The following CLMP variants were observed in gnomAD, a reference collection of about 807,000 sequenced individuals.
The protein encoded by CLMP is CXADR-like membrane protein.
CLMP carries 27 observed loss-of-function variants against 45.2 expected under a neutral mutation model. That is an observed-to-expected ratio of 0.60 (90% CI 0.44 to 0.82). CLMP has a LOEUF of 0.82. CLMP is among the 40% of genes least tolerant of loss of function. The pLI is 0.00. For missense variants in CLMP, 403 were observed against 448.4 expected (o/e 0.90, Z 0.91); for synonymous variants, 167 against 171.4 (o/e 0.97, Z 0.20).
rs1865716787 is a variant in CLMP at position 123,074,822 on chromosome 11, A to G, written c.701T>C (p.Val234Ala). Residue 234 changes from valine (V) to alanine (A), a missense_variant, in exon 6 of 7, where the codon GTT (valine) becomes GCT (alanine). Physicochemically the swap from Val to Ala is moderately conservative, Grantham distance 64. Coordinates refer to ENST00000448775, the MANE Select transcript of CLMP (RefSeq NM_024769.5). ...CACTATGCCTGTCACTGCTCCTGCA[A>G]CCATGCCGATGCTTTGTACATCTAT... ...TVQYVQSIGM[V>A]AGAVTGIVAG... 6.2e-7 allele frequency: 1 copy of G among 1,614,036 alleles called. No homozygotes were observed. Among genetic ancestry groups the G allele is most frequent in the Non-Finnish European group, 8.5e-7 (1 of 1,179,996 alleles).
intron 1 of CLMP, among the ~76,000 whole-genome samples, chr11:123,163,624 G>A (rs1861515571): frequency 6.6e-6 from 1 of 152,204 alleles, no homozygotes; most frequent in Non-Finnish European, 1.5e-5. Flanking sequence ...TCTGCATTTT[G>A]CCAGGAGCCT....
intron 1 of CLMP, among the ~76,000 whole-genome samples, chr11:123,152,308 G>A (rs1861346893): frequency 1.3e-5 from 2 of 152,062 alleles, no homozygotes; most frequent in Non-Finnish European, 2.9e-5. Context: ...TGGATCACGA[G>A]GTCAAGAGAC....
intron 1 of CLMP, among the ~76,000 whole-genome samples, chr11:123,161,339 T>C (rs995399001): frequency 6.6e-6 from 1 of 152,198 alleles, no homozygotes; most frequent in African/African-American, 2.4e-5. Context: ...ATGCTCAGCC[T>C]GCATGTGAGA....
At chr11:123,109,752 C>T (rs1222249079) in intron 1 of CLMP, among the ~76,000 whole-genome samples, 2 of 152,154 alleles carry the variant, frequency 1.3e-5, no homozygotes, top group African/African-American at 2.4e-5. Context: ...TTATTGACCA[C>T]CAGTATGATG....
At chr11:123,094,848 C>A (rs1172607957) in intron 2 of CLMP, among the ~76,000 whole-genome samples, 1 of 152,138 alleles carries the variant, frequency 6.6e-6, no homozygotes, top group Non-Finnish European at 1.5e-5. Flanking sequence ...GTCACCCAGG[C>A]TGGTCTCAAA....
At chr11:123,173,628 C>T (rs1168514831) in intron 1 of CLMP, among the ~76,000 whole-genome samples, 1 of 152,194 alleles carries the variant, frequency 6.6e-6, no homozygotes, top group East Asian at 1.9e-4. Context: ...ATTTCTTAAC[C>T]TCTAAGAGCC....
intron 1 of CLMP, among the ~76,000 whole-genome samples, chr11:123,193,678 AAGAC>A (rs1290653963): frequency 6.6e-6 from 1 of 152,186 alleles, no homozygotes; most frequent in East Asian, 1.9e-4. Context: ...AGTTTCAAAA[AAGAC>A]AGAGAACTCT....
At chr11:123,161,695 TAAAC>T (rs1331993443) in intron 1 of CLMP, among the ~76,000 whole-genome samples, 2 of 151,854 alleles carry the variant, frequency 1.3e-5, no homozygotes, top group African/African-American at 2.4e-5. Context: ...AATAAATAAA[TAAAC>T]AAACAAATAT....
intron 1 of CLMP, among the ~76,000 whole-genome samples, chr11:123,134,578 G>A (rs142042101): frequency 2.0e-5 from 3 of 151,472 alleles, no homozygotes; most frequent in Admixed American, 6.6e-5. Flanking sequence ...AGGCTGAGGC[G>A]GGGGTGGGGG....
chr11:123,136,857 G>A (rs1200107845), intron 1 of CLMP, among the ~76,000 whole-genome samples: 3 of 151,846 alleles, frequency 2.0e-5, no homozygotes, highest in Non-Finnish European at 2.9e-5. Context: ...TGTGAGCCAC[G>A]ACGCCCTGTC....
chr11:123,105,636 G>T (rs1466791762), intron 1 of CLMP, among the ~76,000 whole-genome samples: 1 of 151,424 alleles, frequency 6.6e-6, no homozygotes, highest in Non-Finnish European at 1.5e-5. Flanking sequence ...TGCCACGTTT[G>T]TCAGGTTTGT....
chr11:123,075,202 ACT>A (rs1865722917), intron 5 of CLMP, among the ~76,000 whole-genome samples: 1 of 151,864 alleles, frequency 6.6e-6, no homozygotes, highest in Non-Finnish European at 1.5e-5. Flanking sequence ...GATCCACCAG[ACT>A]CAGCCTCCGA....
chr11:123,116,168 G>A (rs1359228552), intron 1 of CLMP, among the ~76,000 whole-genome samples: 1 of 151,746 alleles, frequency 6.6e-6, no homozygotes, highest in African/African-American at 2.4e-5. Context: ...TATTCTACTT[G>A]TTATAAGCAA....
At chr11:123,184,970 G>A (rs1055114331) in intron 1 of CLMP, among the ~76,000 whole-genome samples, 1 of 152,182 alleles carries the variant, frequency 6.6e-6, no homozygotes, top group Admixed American at 6.5e-5. Flanking sequence ...TATTCTAAAG[G>A]TGTGGACAAG....
chr11:123,140,329 G>A (rs990128548), intron 1 of CLMP, among the ~76,000 whole-genome samples: 6 of 152,024 alleles, frequency 3.9e-5, no homozygotes, highest in East Asian at 1.9e-4. Flanking sequence ...ATTTTGTCGC[G>A]GTCTGAAGAA....
intron 1 of CLMP, among the ~76,000 whole-genome samples, chr11:123,098,741 C>G (rs111672098): frequency 0.01 from 1,432 of 136,938 alleles, 10 homozygotes; most frequent in Non-Finnish European, 0.016. Flanking sequence ...GAGTCTCGCT[C>G]TGTCACCCAG....
chr11:123,184,243 T>C (rs2135549635), intron 1 of CLMP, among the ~76,000 whole-genome samples: 1 of 152,212 alleles, frequency 6.6e-6, no homozygotes, highest in South Asian at 2.1e-4. Context: ...TACAGGCACG[T>C]GCCACCACGC....
rs1028072454 is a variant in CLMP at position 123,093,532 on chromosome 11, G to A, written c.186+4263C>T. ...TGGCTAATTTTTTGTGTTTTTAGTC[G>A]AGAGAGGGTTTCACCATGTTGGGCA... On this transcript the variant is annotated intron_variant, in intron 2 of 6. Transcript: ENST00000448775. Among the ~76,000 whole-genome samples, 9 of 151,852 alleles carry A rather than the reference G, an allele frequency of 5.9e-5. No individual in the cohort carries two copies. The South Asian group carries it at 1.0e-3, about 17-fold the overall frequency.
intron 1 of CLMP, among the ~76,000 whole-genome samples, chr11:123,182,100 G>T (rs1199133099): frequency 6.6e-6 from 1 of 152,172 alleles, no homozygotes; most frequent in Non-Finnish European, 1.5e-5. Flanking sequence ...TGGTTTTAGA[G>T]CAAAACATTA....
Sources: gnomAD v4.1 joint callset for allele counts (sites outside exome capture counted in the v4.1 genomes callset) on GRCh38, gnomAD v4.1.1 for gene constraint, MANE v1.5 for transcripts, NCBI Gene and HGNC (gene_info 2026-07-23, HGNC 2026-07-21) for gene names.